NTRK2: variants seen among roughly 807,000 people sequenced by gnomAD.
The protein encoded by NTRK2 is BDNF/NT-3 growth factors receptor.
A neutral mutation model predicts 94.5 loss-of-function variants in NTRK2; 13 were observed. That is an observed-to-expected ratio of 0.14 (90% confidence interval 0.09 to 0.22). NTRK2 has a LOEUF of 0.22. NTRK2 is among the 10% of genes least tolerant of loss of function. The pLI is 1.00. For missense variants in NTRK2, 639 were observed against 1,071.2 expected (o/e 0.60, Z 5.63); for synonymous variants, 372 against 407.4 (o/e 0.91, Z 1.05).
chr9:84,839,030 G>A (rs1041282970), intron 12 of NTRK2, among the ~76,000 whole-genome samples: 4 of 152,058 alleles, frequency 2.6e-5, no homozygotes, highest in Non-Finnish European at 1.5e-5. Context: ...AAAAATAAAT[G>A]ACCTCACTTT....
chr9:84,815,377 A>G, intron 12 of NTRK2: 1 of 1,046,294 alleles, frequency 9.6e-7, no homozygotes, highest in Non-Finnish European at 1.2e-6. Flanking sequence ...TTATTGTAAG[A>G]CAGTCCATTT....
chr9:84,875,982 A>C, intron 14 of NTRK2: 1 of 1,036,930 alleles, frequency 9.6e-7, no homozygotes, highest in Non-Finnish European at 1.2e-6. Context: ...GGCAGGGGGG[A>C]ATCCCAGAAA....
chr9:84,816,778 C>CAAAAATAAAAAA (rs2072441978), intron 12 of NTRK2, among the ~76,000 whole-genome samples: 1 of 82,650 alleles, frequency 1.2e-5, no homozygotes, highest in Non-Finnish European at 2.3e-5. Flanking sequence ...GACTCCATCT[C>CAAAAATAAAAAA]AAAAAAAAAA....
chr9:84,970,905 A>G (rs1826111883), intron 17 of NTRK2, among the ~76,000 whole-genome samples: 1 of 152,206 alleles, frequency 6.6e-6, no homozygotes, highest in African/African-American at 2.4e-5. Flanking sequence ...TTTAGTGATC[A>G]GTTGTTTCTG....
chr9:84,749,805 C>T (rs561557283), intron 11 of NTRK2, among the ~76,000 whole-genome samples: 55 of 152,290 alleles, frequency 3.6e-4, no homozygotes, highest in African/African-American at 1.3e-3. Flanking sequence ...AGATTTTATA[C>T]TCAGGAAAAA....
At chr9:84,876,012 T>G in intron 14 of NTRK2, 2 of 1,028,638 alleles carry the variant, frequency 1.9e-6, no homozygotes, top group Non-Finnish European at 2.3e-6. Context: ...AATATAATCC[T>G]AGTTTCTATA....
intron 14 of NTRK2, among the ~76,000 whole-genome samples, chr9:84,870,656 C>T (rs1011879103): frequency 6.6e-6 from 1 of 151,836 alleles, no homozygotes; most frequent in African/African-American, 2.4e-5. Context: ...ATATTTTTTA[C>T]AAATGAGCTT....
At chr9:84,832,564 C>A (rs1479630312) in intron 12 of NTRK2, among the ~76,000 whole-genome samples, 1 of 152,156 alleles carries the variant, frequency 6.6e-6, no homozygotes, top group Non-Finnish European at 1.5e-5. Flanking sequence ...GTAGAAGCAG[C>A]ACAGGCCCAG....
chr9:84,942,549 C>T (rs2078447708), intron 15 of NTRK2, among the ~76,000 whole-genome samples: 1 of 152,014 alleles, frequency 6.6e-6, no homozygotes. Flanking sequence ...CAATGAAGTC[C>T]AACAGAAGCA....
intron 14 of NTRK2, chr9:84,877,014 C>T (rs1286757539): frequency 2.8e-6 from 3 of 1,061,790 alleles, no homozygotes; most frequent in African/African-American, 1.6e-5. Context: ...ATAGCTATGC[C>T]ATTGATTTCC....
At chr9:84,719,309 T>G (rs1462915760) in intron 6 of NTRK2, among the ~76,000 whole-genome samples, 1 of 152,090 alleles carries the variant, frequency 6.6e-6, no homozygotes, top group African/African-American at 2.4e-5. Context: ...GTTCTAAGGA[T>G]GAGATAAAAC....
intron 12 of NTRK2, among the ~76,000 whole-genome samples, chr9:84,808,009 G>A (rs566838819): frequency 3.9e-5 from 6 of 152,188 alleles, no homozygotes; most frequent in Non-Finnish European, 7.3e-5. Context: ...GAAAAATGCC[G>A]TATGTGTTTT....
intron 12 of NTRK2, among the ~76,000 whole-genome samples, chr9:84,793,202 C>A (rs1251578397): frequency 6.6e-6 from 1 of 152,028 alleles, no homozygotes; most frequent in Non-Finnish European, 1.5e-5. Context: ...ATTTTGCCCA[C>A]TTTGCTATTT....
chr9:84,677,737 G>A (rs983360477), intron 2 of NTRK2, among the ~76,000 whole-genome samples: 3 of 152,164 alleles, frequency 2.0e-5, no homozygotes, highest in Non-Finnish European at 2.9e-5. Context: ...GAGAGGTCTA[G>A]AGATTTGAAT....
intron 17 of NTRK2, among the ~76,000 whole-genome samples, chr9:84,981,709 T>C (rs1827650335): frequency 6.6e-6 from 1 of 152,220 alleles, no homozygotes; most frequent in South Asian, 2.1e-4. Context: ...AAATAGCATT[T>C]TACTTTGGCT....
At chr9:84,741,748 A>G (rs1480427496) in intron 9 of NTRK2, 144 bp from the exon 10 acceptor site, 1 of 681,510 alleles carries the variant, frequency 1.5e-6, no homozygotes, top group African/African-American at 1.8e-5. Flanking sequence ...AAGAACTTAA[A>G]GTTTTGTTTA....
chr9:84,768,166 T>G (rs902199306), intron 12 of NTRK2, among the ~76,000 whole-genome samples: 2 of 152,216 alleles, frequency 1.3e-5, no homozygotes, highest in Non-Finnish European at 2.9e-5. Flanking sequence ...TTCAACAATT[T>G]TCAATTACAA....
intron 14 of NTRK2, chr9:84,874,933 C>A (rs9969761): frequency 1.9e-6 from 2 of 1,055,676 alleles, no homozygotes; most frequent in Non-Finnish European, 2.3e-6. Flanking sequence ...ATAGGATTGT[C>A]TTCCTCACCC....
In NTRK2 at chr9:85,023,034, T is replaced by C. The variant is rs1490530091; in HGVS notation, c.*1597T>C. 2 of 232,968 alleles carry C rather than the reference T, an allele frequency of 8.6e-6. No individual in the cohort carries two copies. Among genetic ancestry groups the C allele is most frequent in the African/African-American group, 4.4e-5 (2 of 45,318 alleles). 14.4% of individuals were successfully genotyped at this position (232,968 alleles called of 1,614,324 possible). A position where few individuals can be genotyped will look rare whatever the true frequency, so the allele number is the denominator to read the frequency against. ...TGCTGTTTTTGTTTCCTTCACTCCA[T>C]TCAAAAAGTCAAAATACAAAATTTG... On this transcript the variant is annotated 3_prime_UTR_variant, in exon 19 of 19. Transcript: ENST00000277120.
Sources: allele counts gnomAD v4.1 joint callset (sites outside exome capture counted in the v4.1 genomes callset), GRCh38; gene constraint gnomAD v4.1.1; transcripts MANE v1.5; gene names NCBI Gene and HGNC (gene_info 2026-07-23, HGNC 2026-07-21).